The following GABRB1 variants were observed in gnomAD, a reference collection of about 807,000 sequenced individuals.
The protein encoded by GABRB1 is gamma-aminobutyric acid type A receptor subunit beta1, also known as gamma-aminobutyric acid receptor subunit beta-1.
GABRB1 carries 17 observed loss-of-function variants against 51.6 expected under a neutral mutation model. The ratio of observed to expected loss-of-function variants is 0.33; its 90% confidence interval spans 0.23 to 0.49. The LOEUF (loss-of-function observed/expected upper bound fraction) is 0.49. Among genes scored for constraint, GABRB1 ranks in the 20% least tolerant of loss-of-function variants. The pLI is 0.99. For synonymous variants in GABRB1, 247 were observed against 218.9 expected (o/e 1.13, Z -1.14); for missense variants, 410 against 600.6 (o/e 0.68, Z 3.32).
intron 4 of GABRB1, among the ~76,000 whole-genome samples, chr4:47,223,179 T>C (rs1055704443): frequency 5.9e-5 from 9 of 152,140 alleles, no homozygotes; most frequent in Admixed American, 1.3e-4. Context: ...CAAACCTCTC[T>C]GACTTGTAAA....
At chr4:47,134,437 G>T (rs1716554637) in intron 3 of GABRB1, among the ~76,000 whole-genome samples, 1 of 152,014 alleles carries the variant, frequency 6.6e-6, no homozygotes, top group African/African-American at 2.4e-5. Context: ...CTTACCATGA[G>T]TTTAGAAAAT....
At chr4:47,291,657 C>T (rs1723737166) in intron 4 of GABRB1, among the ~76,000 whole-genome samples, 2 of 152,238 alleles carry the variant, frequency 1.3e-5, no homozygotes, top group Admixed American at 1.3e-4. Flanking sequence ...CTACCTCTTT[C>T]ATCAGCGTGA....
At chr4:47,031,874 T>C in intron 1 of GABRB1, 40 bp from the exon 2 acceptor site, 1 of 1,574,696 alleles carries the variant, frequency 6.4e-7, no homozygotes, top group South Asian at 1.1e-5. Flanking sequence ...GCTCACAGTT[T>C]GTGCTCATTT....
intron 4 of GABRB1, among the ~76,000 whole-genome samples, chr4:47,161,727 G>A (rs981651651): frequency 2.0e-5 from 3 of 151,976 alleles, no homozygotes; most frequent in African/African-American, 7.2e-5. Flanking sequence ...GATATGTAAA[G>A]TGGTGGCTCT....
At chr4:47,233,080 T>G (rs1213516974) in intron 4 of GABRB1, among the ~76,000 whole-genome samples, 3 of 152,138 alleles carry the variant, frequency 2.0e-5, no homozygotes, top group African/African-American at 7.2e-5. Flanking sequence ...TTCACCATGT[T>G]GCCCAGGCTG....
chr4:47,283,807 C>A (rs186363502), intron 4 of GABRB1, among the ~76,000 whole-genome samples: 1 of 152,120 alleles, frequency 6.6e-6, no homozygotes, highest in Admixed American at 6.5e-5. Flanking sequence ...GGGTTCAGAA[C>A]CTGAATAAGG....
intron 3 of GABRB1, among the ~76,000 whole-genome samples, chr4:47,043,614 G>C (rs1725954354): frequency 6.6e-6 from 1 of 152,032 alleles, no homozygotes; most frequent in Non-Finnish European, 1.5e-5. Context: ...AATGGACAGA[G>C]ATATGAGCCA....
intron 3 of GABRB1, among the ~76,000 whole-genome samples, chr4:47,133,124 A>G (rs1716497748): frequency 6.6e-6 from 1 of 152,240 alleles, no homozygotes; most frequent in Admixed American, 6.5e-5. Context: ...AAAAGAAAGT[A>G]ACCTTTACAA....
At chr4:47,010,021 T>C (rs1283340076) in intron 1 of GABRB1, among the ~76,000 whole-genome samples, 2 of 152,204 alleles carry the variant, frequency 1.3e-5, no homozygotes, top group Non-Finnish European at 2.9e-5. Flanking sequence ...CAGATAAACT[T>C]TACCTACCAC....
At chr4:47,040,466 A>G (rs1323238979) in intron 3 of GABRB1, among the ~76,000 whole-genome samples, 1 of 152,126 alleles carries the variant, frequency 6.6e-6, no homozygotes, top group Non-Finnish European at 1.5e-5. Context: ...TAGAGAAGAA[A>G]TGAGCCCTGC....
At chr4:47,344,420 G>A (rs989303870) in intron 5 of GABRB1, among the ~76,000 whole-genome samples, 1 of 152,148 alleles carries the variant, frequency 6.6e-6, no homozygotes, top group African/African-American at 2.4e-5. Flanking sequence ...CTGGAAGCTG[G>A]GTTTCTGCTT....
chr4:47,189,393 A>G (rs1719333417), intron 4 of GABRB1, among the ~76,000 whole-genome samples: 1 of 151,922 alleles, frequency 6.6e-6, no homozygotes, highest in South Asian at 2.1e-4. Flanking sequence ...TGGGATTGAT[A>G]TGGAGGATAG....
chr4:47,181,356 T>G (rs1019980298), intron 4 of GABRB1, among the ~76,000 whole-genome samples: 11 of 152,086 alleles, frequency 7.2e-5, no homozygotes, highest in Admixed American at 6.6e-4. Flanking sequence ...ATTTACATGC[T>G]TTAATGGGTT....
At chr4:47,167,100 G>A (rs185534865) in intron 4 of GABRB1, among the ~76,000 whole-genome samples, 25 of 152,136 alleles carry the variant, frequency 1.6e-4, no homozygotes, top group Admixed American at 3.3e-4. Context: ...CCAAATAGAT[G>A]CCCAATAAAT....
intron 5 of GABRB1, among the ~76,000 whole-genome samples, chr4:47,366,462 A>G (rs912457958): frequency 6.6e-6 from 1 of 152,178 alleles, no homozygotes; most frequent in African/African-American, 2.4e-5. Flanking sequence ...CTGTAAAGAC[A>G]TTCTCATTAT....
intron 4 of GABRB1, among the ~76,000 whole-genome samples, chr4:47,289,764 A>G (rs1578066772): frequency 6.6e-6 from 1 of 152,266 alleles, no homozygotes; most frequent in African/African-American, 2.4e-5. Flanking sequence ...ATAACAAGAT[A>G]TAAACTACCT....
intron 4 of GABRB1, among the ~76,000 whole-genome samples, chr4:47,199,103 C>T (rs867206070): frequency 4.6e-5 from 7 of 152,000 alleles, no homozygotes; most frequent in Admixed American, 6.6e-5. Context: ...TTCGAAGCAA[C>T]GTGTTGGAGG....
At chr4:47,023,336 G>C (rs1056737794) in intron 1 of GABRB1, among the ~76,000 whole-genome samples, 1 of 152,024 alleles carries the variant, frequency 6.6e-6, no homozygotes, top group African/African-American at 2.4e-5. Flanking sequence ...TTATTGGGCT[G>C]TTTGTAACTC....
At chr4:47,082,948 A>G (rs542716119) in intron 3 of GABRB1, among the ~76,000 whole-genome samples, 58 of 152,296 alleles carry the variant, frequency 3.8e-4, no homozygotes, top group Non-Finnish European at 7.9e-4. Flanking sequence ...TTACCTTAAT[A>G]GTATCTGTAA....
Sources: gnomAD v4.1 joint callset for allele counts (sites outside exome capture counted in the v4.1 genomes callset) on GRCh38, gnomAD v4.1.1 for gene constraint, MANE v1.5 for transcripts, NCBI Gene and HGNC (gene_info 2026-07-23, HGNC 2026-07-21) for gene names.